The following KIF7 variants were observed in gnomAD, a reference collection of about 807,000 sequenced individuals.
KIF7 encodes kinesin-like protein KIF7.
Under a neutral mutation model 135.7 loss-of-function variants are expected in KIF7, and 104 were observed. That is an observed-to-expected ratio of 0.77 (90% CI 0.65 to 0.90). The LOEUF is 0.90. Among genes scored for constraint, KIF7 ranks in the 40% least tolerant of loss-of-function variants. The pLI is 0.00. For missense variants in KIF7, 2,005 were observed against 1,839.1 expected (o/e 1.09, Z -1.65); for synonymous variants, 883 against 809.4 (o/e 1.09, Z -1.54).
At chr15:89,629,884 G>C (rs1160612656) in intron 16 of KIF7, 2 of 534,728 alleles carry the variant, frequency 3.7e-6, no homozygotes, top group Admixed American at 6.4e-5. Flanking sequence ...ATGGACATCT[G>C]GGACCAGATA....
At chr15:89,618,265 C>A in intron 1 of KIF7, 3 of 1,513,368 alleles carry the variant, frequency 2.0e-6, no homozygotes, top group Non-Finnish European at 1.8e-6. Context: ...CTATGAAAAC[C>A]TTTCTGTATG....
chr15:89,617,552 T>C (rs987230174), intron 2 of KIF7, among the ~76,000 whole-genome samples: 1 of 152,210 alleles, frequency 6.6e-6, no homozygotes, highest in Non-Finnish European at 1.5e-5. Context: ...AGTAGGAATC[T>C]CACTCTGTCA....
At position 89,649,703 on chromosome 15, in the gene KIF7, GCCCCTCTCCGTCAGTGGAGGA is replaced by G; in HGVS notation, c.529+17_529+37del. 1.9e-6 allele frequency: 3 copies of G among 1,543,464 alleles called. No homozygotes were observed. The highest frequency in any genetic ancestry group is 1.8e-6 in the Non-Finnish European group (2 of 1,141,194). On this transcript the variant is annotated intron_variant, in intron 3 of 18. Transcript: ENST00000394412. The stretch of plus-strand genomic sequence containing the variant: ...CTCCAAACAGGTGAAGCCCCCCTAA[GCCCCTCTCCGTCAGTGGAGGA>G]CCCCAGAGTTCCTCACCAACATTCC...
chr15:89,652,773 C>G lies in KIF7; in HGVS notation c.158G>C (p.Arg53Pro). ...CAGCACCACGTGGAAGCCAAAGTGT[C>G]GGTCACGGCCCAGAGTGACGCGGCC... ...GLGRVTLGRD[R>P]HFGFHVVLAE... The change falls in exon 2 of 19, where the codon CGA becomes CCA. Residue 53 changes from arginine (R) to proline (P), a missense_variant. Arg to Pro is a moderately radical substitution (Grantham distance 103). Coordinates refer to ENST00000394412, the MANE Select transcript of KIF7 (RefSeq NM_198525.3). The G allele has an allele frequency of 6.4e-7, 1 of 1,551,606 alleles. No individual in the cohort carries two copies.
rs769783876 is a variant in KIF7 at position 89,628,565 on chromosome 15, G to A, written c.3886C>T (p.Arg1296Trp). Residue 1296 changes from arginine (R) to tryptophan (W), a missense_variant, in exon 19 of 19, where the codon CGG becomes TGG. Physicochemically the swap from Arg to Trp is moderately radical, Grantham distance 101. Coordinates refer to ENST00000394412, the MANE Select transcript of KIF7 (RefSeq NM_198525.3). ...EQGSPEELRQREAAEPLVGRV... is the reference protein window; with the variant it reads ...EQGSPEELRQWEAAEPLVGRV... ...CCCACCAGGGGCTCAGCCGCCTCCC[G>A]CTGCCTCAGTTCCTCGGGGGACCCC... 1.1e-5 allele frequency: 18 copies of A among 1,613,278 alleles called. No individual in the cohort carries two copies. The highest frequency in any genetic ancestry group is 2.2e-5 in the South Asian group (2 of 91,086).
At chr15:89,619,103 T>A (rs16943387) in intron 1 of KIF7, among the ~76,000 whole-genome samples, 1,525 of 152,278 alleles carry the variant, frequency 0.01, 28 homozygotes, top group African/African-American at 0.035. Context: ...ATTCCACAAC[T>A]CAGAAATACT....
chr15:89,649,249 G>A lies in KIF7; in HGVS notation c.648C>T (p.Arg216=). 6.5e-7 allele frequency: 1 copy of A among 1,535,576 alleles called. No homozygotes were observed. Among genetic ancestry groups the A allele is most frequent in the Non-Finnish European group, 8.8e-7 (1 of 1,137,092 alleles). The part of the protein sequence containing the change: ...GATHLNHLSS[R]SHTVFTVTLE... ...GGGTCACGGTGAAGACCGTGTGTGAGCGGCTAGACAGGTGGTTGAGGTGCG... is the reference window on the plus strand; with the variant it reads ...GGGTCACGGTGAAGACCGTGTGTGAACGGCTAGACAGGTGGTTGAGGTGCG... The change falls in exon 4 of 19, where the codon CGC becomes CGT. Residue 216 remains arginine, a synonymous_variant. Transcript: ENST00000394412.
chr15:89,646,908 A>AC lies in KIF7; in HGVS notation c.1709dup (p.Ala571CysfsTer18), dbSNP rs748642414. The stretch of plus-strand genomic sequence containing the variant: ...CCATGCCCAGCACATGGGCGTGGGC[A>AC]CCCCCCAGGGGGGCTGTATGAGGTC... On this transcript the variant is annotated frameshift_variant, in exon 7 of 19. Coordinates refer to ENST00000394412, the MANE Select transcript of KIF7 (RefSeq NM_198525.3). LOFTEE classifies it high-confidence loss of function. The AC allele has an allele frequency of 6.8e-6, 11 of 1,613,574 alleles. No individual in the cohort carries two copies. The highest frequency in any genetic ancestry group is 9.3e-6 in the Non-Finnish European group (11 of 1,179,914).
In KIF7 at chr15:89,633,231, G is replaced by A; in HGVS notation, c.2628C>T (p.Ile876=). 5.0e-6 allele frequency: 8 copies of A among 1,587,372 alleles called. No homozygotes were observed. Among genetic ancestry groups the A allele is most frequent in the Non-Finnish European group, 6.8e-6 (8 of 1,169,302 alleles). ...CGATCTCTTCCGTCTTAATCTTCAG[G>A]ATCTTCTGCTGTTGCTCATGCTTCA... The part of the protein sequence containing the change: ...LELKHEQQQK[I]LKIKTEEIAA... The change falls in exon 13 of 19, where the codon ATC becomes ATT. Residue 876 remains isoleucine, a synonymous_variant. Coordinates refer to ENST00000394412, the MANE Select transcript of KIF7 (RefSeq NM_198525.3).
At chr15:89,645,852 G>A in intron 8 of KIF7, 41 bp downstream of exon 8, 1 of 1,606,790 alleles carries the variant, frequency 6.2e-7, no homozygotes, top group Non-Finnish European at 8.5e-7. Context: ...CCTGGGCCCT[G>A]AGCAGGTCCT....
intron 7 of KIF7, 33 bp from the exon 8 acceptor site, chr15:89,646,059 A>G: frequency 6.2e-7 from 1 of 1,612,622 alleles, no homozygotes; most frequent in Non-Finnish European, 8.5e-7. Context: ...ATCCCAAGTC[A>G]TCATCCCTGC....
the KIF7 span, among the ~76,000 whole-genome samples, chr15:89,660,572 G>A: frequency 2.0e-5 from 3 of 152,222 alleles, no homozygotes; most frequent in Non-Finnish European, 4.4e-5. Flanking sequence ...CGACAGAACA[G>A]TAAGATAGAA....
Position 89,645,168 on chromosome 15 carries a change from G to C in KIF7, c.2039-3C>G, listed in dbSNP as rs753370471. The C allele has an allele frequency of 6.2e-7, 1 of 1,604,550 alleles. No homozygotes were observed. The highest frequency in any genetic ancestry group is 8.5e-7 in the Non-Finnish European group (1 of 1,179,966). The stretch of plus-strand genomic sequence containing the variant: ...TCGGGCCTTGCTCCCACCAACTGCT[G>C]CAACAGGCAGCCTGTCAAGGTTGCT... On this transcript the variant is annotated splice_polypyrimidine_tract_variant and splice_region_variant and intron_variant, in intron 9 of 18. Coordinates refer to ENST00000394412, the MANE Select transcript of KIF7 (RefSeq NM_198525.3).
At position 89,628,417 on chromosome 15, in the gene KIF7, G is replaced by A. The variant is rs893234718; in HGVS notation, c.*2C>T. 1.9e-5 allele frequency: 31 copies of A among 1,603,660 alleles called. No individual in the cohort carries two copies. Among genetic ancestry groups the A allele is most frequent in the Middle Eastern group, 1.7e-4 (1 of 6,030 alleles). ...CTCCAAGGCAGGGTCTGCCCCGAGG[G>A]CTTACAGGGGGTTTTTCCGGACATC... On this transcript the variant is annotated 3_prime_UTR_variant, in exon 19 of 19. Transcript: ENST00000394412.
chr15:89,622,062 C>T (rs1423496784), intron 1 of KIF7, among the ~76,000 whole-genome samples: 2 of 143,638 alleles, frequency 1.4e-5, no homozygotes. Flanking sequence ...TCTCAGCTCA[C>T]TGCAACCTCT....
chr15:89,632,891 T>C lies in KIF7; in HGVS notation c.2824A>G (p.Ile942Val), dbSNP rs746496879. ...ATCAGGGCCTCCTTCTTGGCCAGGA[T>C]GGCCTCCCGCTTGTGGAGCTCCTCC... ...LGEELHKREA[I>V]LAKKEALMQE... is the part of the protein sequence containing the mutation. Residue 942 changes from isoleucine to valine, a missense_variant, in exon 14 of 19, where the codon ATC (isoleucine) becomes GTC (valine). Ile to Val is a conservative substitution (Grantham distance 29). Transcript: ENST00000394412. 6 of 1,610,582 alleles carry C rather than the reference T, an allele frequency of 3.7e-6. No individual in the cohort carries two copies. Among genetic ancestry groups the C allele is most frequent in the South Asian group, 1.1e-5 (1 of 90,906 alleles).
chr15:89,663,019 G>A, the KIF7 span, among the ~76,000 whole-genome samples: 5 of 152,366 alleles, frequency 3.3e-5, no homozygotes, highest in African/African-American at 1.2e-4. Context: ...TGACCAGCAG[G>A]CATGTTGGCG....
chr15:89,625,271 C>T, downstream of KIF7: 1 of 1,613,750 alleles, frequency 6.2e-7, no homozygotes, highest in South Asian at 1.1e-5. Context: ...CACGGCCCTT[C>T]TAGTACCCCC....
chr15:89,621,641 G>C, intron 1 of KIF7: 1 of 1,100,104 alleles, frequency 9.1e-7, no homozygotes, highest in Non-Finnish European at 1.3e-6. Flanking sequence ...GGAAGAGAAA[G>C]CAGGTGACCT....
Sources: allele counts gnomAD v4.1 joint callset (sites outside exome capture counted in the v4.1 genomes callset), GRCh38; gene constraint gnomAD v4.1.1; transcripts MANE v1.5; gene names NCBI Gene and HGNC (gene_info 2026-07-23, HGNC 2026-07-21).